Variants in LPCAT1 observed in about 807,000 individuals in gnomAD.
LPCAT1 encodes lysophosphatidylcholine acyltransferase 1.
Under a neutral mutation model 60.9 loss-of-function variants are expected in LPCAT1, and 23 were observed. The observed-to-expected ratio is 0.38, with a 90% CI of 0.27 to 0.53. The LOEUF is 0.53. Ranked by LOEUF, LPCAT1 falls within the 20% of genes least tolerant of loss-of-function variation. The pLI, the probability that LPCAT1 is intolerant of heterozygous loss-of-function variation, is 0.82. For synonymous variants in LPCAT1, 340 were observed against 301.1 expected (o/e 1.13, Z -1.34); for missense variants, 622 against 723.6 (o/e 0.86, Z 1.61).
chr5:1,477,011 T>G lies in LPCAT1; in HGVS notation c.899+393A>C, dbSNP rs1233253536. Among the ~76,000 whole-genome samples, 1 of 152,152 alleles carries G rather than the reference T, an allele frequency of 6.6e-6. No homozygotes were observed. Among genetic ancestry groups the G allele is most frequent in the Admixed American group, 6.5e-5 (1 of 15,282 alleles). Reference sequence around the variant, plus strand: ...GCAACCACCACTCCACTCTGCCAGATAGAGTAAGGGCACCGGTAAGTATCA... The same window carrying G: ...GCAACCACCACTCCACTCTGCCAGAGAGAGTAAGGGCACCGGTAAGTATCA... On this transcript the variant is annotated intron_variant, in intron 9 of 13. Coordinates refer to ENST00000283415, the MANE Select transcript of LPCAT1 (RefSeq NM_024830.5). The surrounding 1 kb of genome is among the most constrained non-coding windows in gnomAD (Gnocchi z 6.0).
Position 1,465,036 on chromosome 5 carries a change from TA to T in LPCAT1, c.1421-1202del, listed in dbSNP as rs1263631199. On this transcript the variant is annotated intron_variant, in intron 13 of 13. Transcript: ENST00000283415. ...ACACACAAAACAAGCGCAGGCACAC[TA>T]AACACACATGCGCACGCACAAGTGC... Among the ~76,000 whole-genome samples, 628 of 112,402 alleles carry T rather than the reference TA, an allele frequency of 5.6e-3. 10 individuals carry two copies. The highest frequency in any genetic ancestry group is 0.02 in the African/African-American group (583 of 28,646). 73.7% of individuals were successfully genotyped at this position (112,402 alleles called of 152,430 possible).
rs7711887 is a variant in LPCAT1 at position 1,495,181 on chromosome 5, T to C, written c.279-267A>G. Among the ~76,000 whole-genome samples the C allele has an allele frequency of 0.11, 17,054 of 152,216 alleles. 1,436 individuals carry two copies. The highest frequency in any genetic ancestry group is 0.24 in the African/African-American group (9,882 of 41,520). ...TGGTCACGGGCCACGCGGCAGGCAG[T>C]GCTAAGACAACATGAGACTCCGGAA... On this transcript the variant is annotated intron_variant, in intron 2 of 13. Coordinates refer to ENST00000283415, the MANE Select transcript of LPCAT1 (RefSeq NM_024830.5). The surrounding 1 kb of genome is among the most constrained non-coding windows in gnomAD (Gnocchi z 4.7).
Position 1,462,301 on chromosome 5 carries a change from T to A in LPCAT1, c.*1350A>T, listed in dbSNP as rs1734131901. Reference sequence around the variant, plus strand: ...ATGATTATTGTGCTTGAAGGATGGGTTTCTAATTCTGTCATAAAAAATGAT... The same window carrying A: ...ATGATTATTGTGCTTGAAGGATGGGATTCTAATTCTGTCATAAAAAATGAT... On this transcript the variant is annotated 3_prime_UTR_variant, in exon 14 of 14. Coordinates refer to ENST00000283415, the MANE Select transcript of LPCAT1 (RefSeq NM_024830.5). 6.6e-6 allele frequency: 1 copy of A among 152,310 alleles called. No individual in the cohort carries two copies. Among genetic ancestry groups the A allele is most frequent in the Non-Finnish European group, 1.5e-5 (1 of 67,964 alleles). The allele number at this position is 152,310 out of a possible 1,614,324, so 9.4% of individuals were successfully genotyped here.
rs184482707 is a variant in LPCAT1 at position 1,468,928 on chromosome 5, C to T, written c.1278+1898G>A. Among the ~76,000 whole-genome samples the T allele has an allele frequency of 1.5e-3, 234 of 152,346 alleles. 1 individual carries two copies. The highest frequency in any genetic ancestry group is 5.4e-3 in the African/African-American group (223 of 41,574). On this transcript the variant is annotated intron_variant, in intron 12 of 13. Coordinates refer to ENST00000283415, the MANE Select transcript of LPCAT1 (RefSeq NM_024830.5). ...AGCCCTTCCTGCTACATGCAGTCCC[C>T]CCAAAATGTGCCAGGCTCCCAGAGC... is the stretch of plus-strand genomic sequence containing the variant.
intron 1 of LPCAT1, among the ~76,000 whole-genome samples, chr5:1,503,800 A>AT (rs141682960): frequency 0.23 from 34,251 of 151,872 alleles, 5,929 homozygotes; most frequent in African/African-American, 0.49. Flanking sequence ...AGCTTTTGGC[A>AT]TATTTTTCCC....
At position 1,465,175 on chromosome 5, in the gene LPCAT1, CAAA is replaced by C. The variant is rs1222840171; in HGVS notation, c.1421-1343_1421-1341del. Among the ~76,000 whole-genome samples, 5 of 145,498 alleles carry C rather than the reference CAAA, an allele frequency of 3.4e-5. No individual in the cohort carries two copies. The East Asian group carries it at 1.1e-3, about 31-fold the overall frequency. ...GTAACTAAACATGCATGCACACACA[CAAA>C]ACAAGCGCACGCGCACACAGTAACT... is the stretch of plus-strand genomic sequence containing the variant. On this transcript the variant is annotated intron_variant, in intron 13 of 13. Coordinates refer to ENST00000283415, the MANE Select transcript of LPCAT1 (RefSeq NM_024830.5).
chr5:1,499,853 A>T (rs1019012711), intron 2 of LPCAT1, among the ~76,000 whole-genome samples: 2 of 152,160 alleles, frequency 1.3e-5, no homozygotes, highest in Non-Finnish European at 2.9e-5. Flanking sequence ...TATCAAGGAG[A>T]ACCGAAGCTC....
chr5:1,509,880 G>A (rs934911213), intron 1 of LPCAT1, among the ~76,000 whole-genome samples: 3 of 152,178 alleles, frequency 2.0e-5, no homozygotes, highest in African/African-American at 7.2e-5. Flanking sequence ...TTTGGAGCCC[G>A]AGGCACGGCC....
intron 1 of LPCAT1, among the ~76,000 whole-genome samples, chr5:1,511,442 A>G (rs575984797): frequency 6.6e-6 from 1 of 150,908 alleles, no homozygotes; most frequent in Admixed American, 6.6e-5. Context: ...CGCTCACCCT[A>G]CGTGGGGACG....
Position 1,521,771 on chromosome 5 carries a change from C to T in LPCAT1, c.135+1939G>A, listed in dbSNP as rs1011698703. Among the ~76,000 whole-genome samples, 43 of 152,104 alleles carry T rather than the reference C, an allele frequency of 2.8e-4. No individual in the cohort carries two copies. The highest frequency in any genetic ancestry group is 1.5e-3 in the Admixed American group (23 of 15,268). On this transcript the variant is annotated intron_variant, in intron 1 of 13. Transcript: ENST00000283415. The surrounding 1 kb of genome is among the most constrained non-coding windows in gnomAD (Gnocchi z 4.3). ...AACAGCTGCCCAAAGCCTTCAATCT[C>T]GGGACCAGGAGCCTCTCGATGACCC... is the stretch of plus-strand genomic sequence containing the variant.
At chr5:1,490,765 T>C (rs1010825066) in intron 3 of LPCAT1, among the ~76,000 whole-genome samples, 4 of 152,186 alleles carry the variant, frequency 2.6e-5, no homozygotes, top group African/African-American at 7.2e-5. Context: ...TGCAAGAGGA[T>C]TGAACGTGGA....
intron 2 of LPCAT1, among the ~76,000 whole-genome samples, chr5:1,500,237 G>A (rs1297890569): frequency 2.0e-5 from 3 of 152,266 alleles, no homozygotes; most frequent in Admixed American, 2.0e-4. Flanking sequence ...TGTCAGAGCT[G>A]TGGTTATAGG....
In LPCAT1 at chr5:1,489,737, G is replaced by A. The variant is rs773237257; in HGVS notation, c.606+9C>T. 26 of 1,568,730 alleles carry A rather than the reference G, an allele frequency of 1.7e-5. No individual in the cohort carries two copies. The highest frequency in any genetic ancestry group is 3.3e-5 in the Admixed American group (2 of 59,948). ...ACCACTGAAACACAATCAGGGCTACGTGCATTACCTGTGGCCACTTTCCGT... is the reference window on the plus strand; with the variant it reads ...ACCACTGAAACACAATCAGGGCTACATGCATTACCTGTGGCCACTTTCCGT... On this transcript the variant is annotated intron_variant, in intron 4 of 13. Coordinates refer to ENST00000283415, the MANE Select transcript of LPCAT1 (RefSeq NM_024830.5).
chr5:1,497,777 G>A (rs1427850786), intron 2 of LPCAT1, among the ~76,000 whole-genome samples: 1 of 152,198 alleles, frequency 6.6e-6, no homozygotes, highest in Non-Finnish European at 1.5e-5. Context: ...AGTACCTAGA[G>A]TCATCATGGG....
intron 1 of LPCAT1, among the ~76,000 whole-genome samples, chr5:1,507,033 G>A (rs2126603027): frequency 6.6e-6 from 1 of 152,346 alleles, no homozygotes; most frequent in African/African-American, 2.4e-5. Context: ...GCGGGCTGTT[G>A]CGTGGACAAG....
chr5:1,512,946 G>A (rs1005161250), intron 1 of LPCAT1, among the ~76,000 whole-genome samples: 1 of 152,260 alleles, frequency 6.6e-6, no homozygotes, highest in South Asian at 2.1e-4. Context: ...GGTGCAGCCC[G>A]TGTAAAGATG....
intron 3 of LPCAT1, among the ~76,000 whole-genome samples, chr5:1,493,706 C>T (rs1049553381): frequency 2.0e-5 from 3 of 152,214 alleles, no homozygotes; most frequent in Admixed American, 6.5e-5. Flanking sequence ...GTCAGGGCTG[C>T]GCACAGGTGG....
Position 1,479,899 on chromosome 5 carries a change from C to T in LPCAT1, c.762-224G>A, listed in dbSNP as rs114857279. ...TTCCGATTCAACACCTGCTTATGTCCTTGGTTCGTCTAGCAAGACACCATC... is the reference window on the plus strand; with the variant it reads ...TTCCGATTCAACACCTGCTTATGTCTTTGGTTCGTCTAGCAAGACACCATC... On this transcript the variant is annotated intron_variant, in intron 7 of 13. Coordinates refer to ENST00000283415, the MANE Select transcript of LPCAT1 (RefSeq NM_024830.5). 5.6e-3 allele frequency among the ~76,000 whole-genome samples: 849 copies of T among 151,966 alleles called. 6 individuals are homozygous for T. Among genetic ancestry groups the T allele is most frequent in the South Asian group, 0.03 (142 of 4,810 alleles).
rs1336379037 is a variant in LPCAT1, at chr5:1,474,611, A to G, written c.974T>C (p.Leu325Pro). Reference sequence around the variant, plus strand: ...TTCTAAAAGGCAAGTGTCAGCGGGGAGACGGAGCTGTCCTTCCGCCAGGGC... The same window carrying G: ...TTCTAAAAGGCAAGTGTCAGCGGGGGGACGGAGCTGTCCTTCCGCCAGGGC... The part of the protein sequence containing the change: ...QLALAEGQLR[L>P]PADTCLLEFA... The change falls in exon 10 of 14, where the codon CTC (leucine) becomes CCC (proline). Residue 325 changes from leucine (L) to proline (P), a missense_variant. Physicochemically the swap from Leu to Pro is moderately conservative, Grantham distance 98. Transcript: ENST00000283415. 1 of 1,614,026 alleles carries G rather than the reference A, an allele frequency of 6.2e-7. No homozygotes were observed. Among genetic ancestry groups the G allele is most frequent in the Non-Finnish European group, 8.5e-7 (1 of 1,180,018 alleles).
Sources: gnomAD v4.1 joint callset for allele counts (sites outside exome capture counted in the v4.1 genomes callset) on GRCh38, gnomAD v4.1.1 for gene constraint, Gnocchi (gnomAD v3.1) non-coding constraint, MANE v1.5 for transcripts, NCBI Gene and HGNC (gene_info 2026-07-23, HGNC 2026-07-21) for gene names.